The following PCDHGA11 variants were observed in gnomAD, a reference collection of about 807,000 sequenced individuals.
PCDHGA11 encodes protocadherin gamma subfamily A, 11, also known as protocadherin gamma-A11.
Under a neutral mutation model 60.4 loss-of-function variants are expected in PCDHGA11, and 39 were observed. The observed-to-expected ratio is 0.65, with a 90% CI of 0.50 to 0.84. PCDHGA11 has a LOEUF of 0.84. PCDHGA11 is among the 40% of genes least tolerant of loss of function. The pLI, the probability that PCDHGA11 is intolerant of heterozygous loss-of-function variation, is 0.00. For missense variants in PCDHGA11, 1,165 were observed against 1,197.7 expected, an observed-to-expected ratio of 0.97 and a Z score of 0.40; for synonymous variants, 533 against 510.3, an observed-to-expected ratio of 1.04 and a Z score of -0.60.
rs745843422 is a variant in PCDHGA11 at position 141,421,187 on chromosome 5, A to G, written c.-41A>G. The G allele has an allele frequency of 3.4e-6, 5 of 1,473,698 alleles. No homozygotes were observed. The highest frequency in any genetic ancestry group is 4.5e-6 in the Non-Finnish European group (5 of 1,105,376). The allele number at this position is 1,473,698 out of a possible 1,614,324, so 91.3% of individuals were successfully genotyped here. A position where few individuals can be genotyped will look rare whatever the true frequency, so the allele number is the denominator to read the frequency against. ...AGATACATAAGCCGATTCACAACCAACCAGCTCGAGAAACCGCGGAATATC... is the reference window on the plus strand; with the variant it reads ...AGATACATAAGCCGATTCACAACCAGCCAGCTCGAGAAACCGCGGAATATC... On this transcript the variant is annotated 5_prime_UTR_variant, in exon 1 of 4. Coordinates refer to ENST00000398587, the MANE Select transcript of PCDHGA11 (RefSeq NM_018914.3).
At chr5:141,427,940 C>T (rs1391166364) in intron 1 of PCDHGA11, 1 of 1,585,904 alleles carries the variant, frequency 6.3e-7, no homozygotes. Context: ...TGGTGGGCGA[C>T]CTCAATGACA....
chr5:141,509,308 C>G (rs943174290), intron 3 of PCDHGA11, among the ~76,000 whole-genome samples: 6 of 152,152 alleles, frequency 3.9e-5, no homozygotes, highest in African/African-American at 1.4e-4. Flanking sequence ...CAGAGGGAGG[C>G]TGGGAGAGAA....
intron 1 of PCDHGA11, among the ~76,000 whole-genome samples, chr5:141,465,538 A>AT (rs2099105284): frequency 6.6e-6 from 1 of 152,112 alleles, no homozygotes; most frequent in Non-Finnish European, 1.5e-5. Context: ...TTTCCCAGGC[A>AT]TTTTTTCTGC....
At position 141,428,042 on chromosome 5, in the gene PCDHGA11, G is replaced by A; in HGVS notation, c.2433+4382G>A. The A allele has an allele frequency of 1.9e-6, 3 of 1,608,716 alleles. No individual in the cohort carries two copies. The South Asian group carries it at 3.3e-5, about 18-fold the overall frequency. On this transcript the variant is annotated intron_variant, in intron 1 of 3. Transcript: ENST00000398587. ...GCGCCGCAGAGTCCGGCTACCTGGT[G>A]ACCAAGGTGGTGGCGGTGGACGCAG...
At chr5:141,430,351 A>G (rs923321842) in intron 1 of PCDHGA11, among the ~76,000 whole-genome samples, 5 of 152,046 alleles carry the variant, frequency 3.3e-5, no homozygotes, top group African/African-American at 1.2e-4. Flanking sequence ...CAATTCATTT[A>G]AAAGCTCATT....
At chr5:141,445,300 TCA>T (rs1443961962) in intron 1 of PCDHGA11, among the ~76,000 whole-genome samples, 1 of 152,202 alleles carries the variant, frequency 6.6e-6, no homozygotes, top group Non-Finnish European at 1.5e-5. Flanking sequence ...TCCATTCTCT[TCA>T]GTTTGTAGGT....
intron 2 of PCDHGA11, among the ~76,000 whole-genome samples, chr5:141,499,314 A>C (rs2099791047): frequency 6.6e-6 from 1 of 152,238 alleles, no homozygotes; most frequent in Non-Finnish European, 1.5e-5. Context: ...TCTGAGAGAC[A>C]GTATCCCTGC....
chr5:141,433,328 G>A (rs965877578), intron 1 of PCDHGA11: 3 of 724,464 alleles, frequency 4.1e-6, no homozygotes, highest in African/African-American at 3.6e-5. Context: ...GGTGTAACAG[G>A]GACTACAGGT....
rs1596259997 is a variant in PCDHGA11, at chr5:141,509,990, A to G, written c.2582-957A>G. Among the ~76,000 whole-genome samples the G allele has an allele frequency of 2.6e-5, 4 of 152,266 alleles. No individual in the cohort carries two copies. The South Asian group carries it at 8.3e-4, about 32-fold the overall frequency. ...GGTCCTTCTAACACTTGGTTCCCTC[A>G]TCTGTAAAATGAGGGTCATACCACA... is the stretch of plus-strand genomic sequence containing the variant. On this transcript the variant is annotated intron_variant, in intron 3 of 3. Transcript: ENST00000398587.
chr5:141,451,009 T>C (rs1437016950), intron 1 of PCDHGA11, among the ~76,000 whole-genome samples: 1 of 151,566 alleles, frequency 6.6e-6, no homozygotes, highest in East Asian at 1.9e-4. Context: ...GTATTTTTTT[T>C]AGTAGAGACG....
Position 141,422,181 on chromosome 5 carries a change from G to A in PCDHGA11, c.954G>A (p.Met318Ile). The A allele has an allele frequency of 1.9e-6, 3 of 1,561,316 alleles. No homozygotes were observed. Among genetic ancestry groups the A allele is most frequent in the Non-Finnish European group, 2.6e-6 (3 of 1,158,518 alleles). ...LDFEKYRFYE[M>I]EIQGQDGGGL... Reference sequence around the variant, plus strand: ...TTGAAAAATATAGATTCTATGAGATGGAAATTCAAGGCCAAGATGGTGGAG... The same window carrying A: ...TTGAAAAATATAGATTCTATGAGATAGAAATTCAAGGCCAAGATGGTGGAG... Residue 318 changes from methionine to isoleucine, a missense_variant, in exon 1 of 4, where the codon ATG (methionine) becomes ATA (isoleucine). Met to Ile is a conservative substitution (Grantham distance 10). Transcript: ENST00000398587.
chr5:141,494,671 C>T, intron 1 of PCDHGA11, 136 bp from the exon 2 acceptor site: 1 of 1,532,340 alleles, frequency 6.5e-7, no homozygotes, highest in East Asian at 2.4e-5. Context: ...GAGATGAGTC[C>T]ACCCCTGCCC....
At chr5:141,472,455 G>A (rs191633108) in intron 1 of PCDHGA11, among the ~76,000 whole-genome samples, 2 of 151,972 alleles carry the variant, frequency 1.3e-5, no homozygotes, top group South Asian at 2.1e-4. Context: ...CAGGAGAATC[G>A]CTTGAACCCA....
intron 3 of PCDHGA11, among the ~76,000 whole-genome samples, chr5:141,510,657 G>A (rs1388054630): frequency 6.6e-6 from 1 of 152,156 alleles, no homozygotes; most frequent in Non-Finnish European, 1.5e-5. Context: ...CCATTTTGCA[G>A]ATGAGAAAAC....
Position 141,421,662 on chromosome 5 carries a change from G to C in PCDHGA11, c.435G>C (p.Glu145Asp). ...ACGAAGTGGAGATAAAAGTCAGTGA[G>C]CACGCAATTCCTGGGGCGCGATTTG... Reference protein sequence around the residue: ...QEDEVEIKVSEHAIPGARFAL... With the variant: ...QEDEVEIKVSDHAIPGARFAL... Residue 145 changes from glutamate (E) to aspartate (D), a missense_variant, in exon 1 of 4, where the codon GAG becomes GAC. By Grantham distance (45) the Glu-to-Asp change is conservative (BLOSUM62 2). Transcript: ENST00000398587. 9 of 1,613,844 alleles carry C rather than the reference G, an allele frequency of 5.6e-6. No individual in the cohort carries two copies. The highest frequency in any genetic ancestry group is 7.6e-6 in the Non-Finnish European group (9 of 1,179,810).
chr5:141,475,708 C>G (rs2099367415), intron 1 of PCDHGA11, among the ~76,000 whole-genome samples: 1 of 152,238 alleles, frequency 6.6e-6, no homozygotes, highest in African/African-American at 2.4e-5. Flanking sequence ...AACGGCTAGC[C>G]TCACAGCCCC....
At chr5:141,442,205 A>G (rs2098308049) in intron 1 of PCDHGA11, 1 of 153,214 alleles carries the variant, frequency 6.5e-6, no homozygotes, top group Admixed American at 6.5e-5. Context: ...ATATCTGGTG[A>G]TTGCCTTAGC....
intron 1 of PCDHGA11, among the ~76,000 whole-genome samples, chr5:141,455,489 A>T (rs925133619): frequency 3.9e-5 from 6 of 152,152 alleles, no homozygotes; most frequent in African/African-American, 4.8e-5. Context: ...GGTGGAGGTG[A>T]TGTCTGATTT....
rs2098293800 is a variant in PCDHGA11 at position 141,442,043 on chromosome 5, A to G, written c.2433+18383A>G. The G allele has an allele frequency of 1.9e-5, 4 of 205,506 alleles. No homozygotes were observed. In the South Asian group the frequency reaches 2.4e-4, roughly 12 times the overall value. The allele number at this position is 205,506 out of a possible 1,614,324, so 12.7% of individuals were successfully genotyped here. A position where few individuals can be genotyped will look rare whatever the true frequency, so the allele number is the denominator to read the frequency against. On this transcript the variant is annotated intron_variant, in intron 1 of 3. Transcript: ENST00000398587. ...ACAGGAAAGCGACTCGCCAGCGCCTACTGGTCGCGGTGCACTGCGGTGGAC... is the reference window on the plus strand; with the variant it reads ...ACAGGAAAGCGACTCGCCAGCGCCTGCTGGTCGCGGTGCACTGCGGTGGAC...
Sources: allele counts gnomAD v4.1 joint callset (sites outside exome capture counted in the v4.1 genomes callset), GRCh38; gene constraint gnomAD v4.1.1; transcripts MANE v1.5; gene names NCBI Gene and HGNC (gene_info 2026-07-23, HGNC 2026-07-21).